Variants in OPCML observed in about 807,000 individuals in gnomAD.
OPCML encodes the protein opioid binding protein/cell adhesion molecule like.
A neutral mutation model predicts 37.8 loss-of-function variants in OPCML; 13 were observed. The observed-to-expected ratio is 0.34, with a 90% CI of 0.22 to 0.55. The LOEUF (loss-of-function observed/expected upper bound fraction) is 0.55, where lower values mean the gene tolerates loss of function less well. Ranked by LOEUF, OPCML falls within the 20% of genes least tolerant of loss-of-function variation. The pLI, the probability that OPCML is intolerant of heterozygous loss-of-function variation, is 0.91. For missense variants in OPCML, 341 were observed against 435.6 expected (o/e 0.78, Z 1.93); for synonymous variants, 176 against 168.8 (o/e 1.04, Z -0.33).
intron 1 of OPCML, among the ~76,000 whole-genome samples, chr11:133,511,330 T>C (rs1167095523): frequency 1.3e-5 from 2 of 152,200 alleles, no homozygotes; most frequent in Non-Finnish European, 2.9e-5. Flanking sequence ...AAAATCTGAA[T>C]GAGCTCCTCA....
intron 1 of OPCML, among the ~76,000 whole-genome samples, chr11:133,456,446 G>T (rs747339337): frequency 6.6e-6 from 1 of 151,418 alleles, no homozygotes; most frequent in Non-Finnish European, 1.5e-5. Context: ...TGTTTTCAAT[G>T]CCCAATTTTC....
At chr11:132,532,110 G>A (rs1357339694) in intron 3 of OPCML, among the ~76,000 whole-genome samples, 1 of 152,168 alleles carries the variant, frequency 6.6e-6, no homozygotes, top group East Asian at 1.9e-4. Context: ...TGGATTAAGA[G>A]ATATGTAAAA....
intron 2 of OPCML, among the ~76,000 whole-genome samples, chr11:132,687,041 G>A (rs1013298970): frequency 5.3e-5 from 8 of 151,750 alleles, no homozygotes; most frequent in African/African-American, 1.9e-4. Flanking sequence ...CAATATTGTA[G>A]GGTCATTTGG....
At chr11:132,956,691 C>T (rs1945983146) in intron 1 of OPCML, among the ~76,000 whole-genome samples, 1 of 152,142 alleles carries the variant, frequency 6.6e-6, no homozygotes, top group Non-Finnish European at 1.5e-5. Context: ...AGCCTCTTTT[C>T]GTCCACTAAT....
chr11:132,896,722 T>C (rs1943864970), intron 2 of OPCML, among the ~76,000 whole-genome samples: 1 of 152,236 alleles, frequency 6.6e-6, no homozygotes, highest in Non-Finnish European at 1.5e-5. Context: ...GATAACCTTA[T>C]GCTGATCAGA....
chr11:133,336,963 C>T (rs1180499642), intron 1 of OPCML, among the ~76,000 whole-genome samples: 1 of 152,128 alleles, frequency 6.6e-6, no homozygotes, highest in Admixed American at 6.5e-5. Flanking sequence ...GAGAAGCATC[C>T]AATTTTGAAG....
chr11:132,899,063 T>C (rs1193820253), intron 2 of OPCML, among the ~76,000 whole-genome samples: 1 of 151,998 alleles, frequency 6.6e-6, no homozygotes, highest in Non-Finnish European at 1.5e-5. Flanking sequence ...CACAACCCAA[T>C]CCAGGGAGGA....
At chr11:132,686,687 G>A (rs541366673) in intron 2 of OPCML, among the ~76,000 whole-genome samples, 1 of 152,126 alleles carries the variant, frequency 6.6e-6, no homozygotes. Flanking sequence ...TCCTGAGAAG[G>A]TTCCTTAAGC....
chr11:132,745,922 C>T (rs368647072), intron 2 of OPCML, among the ~76,000 whole-genome samples: 32 of 152,200 alleles, frequency 2.1e-4, no homozygotes, highest in South Asian at 1.0e-3. Context: ...GCCTGCATAG[C>T]GGGCAGGAAC....
At chr11:132,830,755 A>C (rs2136277292) in intron 2 of OPCML, among the ~76,000 whole-genome samples, 1 of 152,270 alleles carries the variant, frequency 6.6e-6, no homozygotes, top group African/African-American at 2.4e-5. Flanking sequence ...TTTCCCTTAA[A>C]TTGTACATGT....
intron 4 of OPCML, among the ~76,000 whole-genome samples, chr11:132,485,163 G>A (rs2096195606): frequency 6.6e-6 from 1 of 152,084 alleles, no homozygotes; most frequent in Non-Finnish European, 1.5e-5. Flanking sequence ...AAGAATTAGT[G>A]TCTAGGTATT....
chr11:132,960,019 A>G (rs565002502), intron 1 of OPCML, among the ~76,000 whole-genome samples: 8 of 152,364 alleles, frequency 5.3e-5, no homozygotes, highest in African/African-American at 1.9e-4. Context: ...GAGCTTAAAC[A>G]GGCTGCTTGA....
At chr11:132,896,011 A>G (rs533515112) in intron 2 of OPCML, among the ~76,000 whole-genome samples, 173 of 152,234 alleles carry the variant, frequency 1.1e-3, no homozygotes, top group South Asian at 3.1e-3. Flanking sequence ...AAGAAATATA[A>G]AGTTGGATCA....
intron 1 of OPCML, among the ~76,000 whole-genome samples, chr11:133,233,573 C>T (rs1186980059): frequency 6.6e-6 from 1 of 152,138 alleles, no homozygotes; most frequent in Non-Finnish European, 1.5e-5. Context: ...TTAGTTTATC[C>T]ATATAGTTTT....
intron 1 of OPCML, among the ~76,000 whole-genome samples, chr11:133,350,365 T>C (rs1944107074): frequency 6.6e-6 from 1 of 152,136 alleles, no homozygotes; most frequent in African/African-American, 2.4e-5. Flanking sequence ...TTCAAGAAAT[T>C]GACAATTTTA....
chr11:132,458,735 C>T (rs1353941479), intron 4 of OPCML, among the ~76,000 whole-genome samples: 1 of 152,106 alleles, frequency 6.6e-6, no homozygotes, highest in Non-Finnish European at 1.5e-5. Flanking sequence ...ACATAAAGAT[C>T]AGTAAAGACA....
At chr11:133,186,899 G>T (rs1168497203) in intron 1 of OPCML, among the ~76,000 whole-genome samples, 1 of 152,074 alleles carries the variant, frequency 6.6e-6, no homozygotes, top group Non-Finnish European at 1.5e-5. Context: ...TGGTTCTCAG[G>T]GTAGGCCTCA....
intron 2 of OPCML, among the ~76,000 whole-genome samples, chr11:132,688,956 C>CAAAAAAAAA (rs749705629): frequency 1.9e-3 from 27 of 14,458 alleles, no homozygotes; most frequent in African/African-American, 2.6e-3. Context: ...GACTCCGTCT[C>CAAAAAAAAA]AAAAAAAAAA....
At chr11:133,370,388 A>G (rs374152887) in intron 1 of OPCML, among the ~76,000 whole-genome samples, 1 of 152,148 alleles carries the variant, frequency 6.6e-6, no homozygotes, top group African/African-American at 2.4e-5. Context: ...AGTCTGTAAA[A>G]TCAATATACA....
Sources: allele counts gnomAD v4.1 joint callset (sites outside exome capture counted in the v4.1 genomes callset), GRCh38; gene constraint gnomAD v4.1.1; transcripts MANE v1.5; gene names NCBI Gene and HGNC (gene_info 2026-07-23, HGNC 2026-07-21).